The following AMOT variants were observed in gnomAD, a reference collection of about 807,000 sequenced individuals.
AMOT encodes angiomotin.
In AMOT, 11 loss-of-function variants were observed where a neutral mutation model predicts 67.0. The observed-to-expected ratio is 0.16, with a 90% CI of 0.10 to 0.27. The LOEUF (loss-of-function observed/expected upper bound fraction) is 0.27, where lower values mean the gene tolerates loss of function less well. Ranked by LOEUF, AMOT falls within the 10% of genes least tolerant of loss-of-function variation. The pLI, the probability that AMOT is intolerant of heterozygous loss-of-function variation, is 1.00. For synonymous variants in AMOT, 326 were observed against 321.4 expected (o/e 1.01, Z -0.15); for missense variants, 753 against 852.0 (o/e 0.88, Z 1.45).
At chrX:112,833,261 A>T (rs1029665978) in intron 1 of AMOT, among the ~76,000 whole-genome samples, 6 of 110,911 alleles carry the variant, frequency 5.4e-5, no homozygotes, top group Non-Finnish European at 9.4e-5. Context: ...TCTCAGAAGC[A>T]AGTACTCACC....
chrX:112,786,998 T>C (rs1478623297), intron 10 of AMOT, among the ~76,000 whole-genome samples: 2 of 111,861 alleles, frequency 1.8e-5, no homozygotes, highest in Non-Finnish European at 3.8e-5. Flanking sequence ...GTATCTGATG[T>C]TTAAGATGCA....
intron 10 of AMOT, among the ~76,000 whole-genome samples, chrX:112,787,072 T>G (rs986444016): frequency 1.8e-5 from 2 of 111,532 alleles, no homozygotes; most frequent in African/African-American, 3.3e-5. Context: ...CCTGGACTCT[T>G]TAAGGCTAAA....
chrX:112,794,071 A>G (rs761367610), intron 8 of AMOT, among the ~76,000 whole-genome samples: 10 of 112,327 alleles, frequency 8.9e-5, no homozygotes, highest in African/African-American at 3.2e-4. Flanking sequence ...GTGAACTATA[A>G]TTACTAAGGC....
intron 1 of AMOT, among the ~76,000 whole-genome samples, chrX:112,833,478 AGGG>A (rs34937321): frequency 2.4e-4 from 16 of 66,912 alleles, no homozygotes; most frequent in African/African-American, 6.6e-4. Context: ...CTGGGAGTAA[AGGG>A]GGGGGGGGGG....
chrX:112,813,646 A>C (rs972540117), intron 5 of AMOT, among the ~76,000 whole-genome samples: 1 of 110,829 alleles, frequency 9.0e-6, no homozygotes, highest in Non-Finnish European at 1.9e-5. Flanking sequence ...CACACACACA[A>C]AAAATCACCA....
intron 4 of AMOT, among the ~76,000 whole-genome samples, chrX:112,817,027 G>A (rs936366188): frequency 7.1e-5 from 8 of 112,126 alleles, no homozygotes; most frequent in Non-Finnish European, 1.5e-4. Context: ...CAAAAAGCTT[G>A]TTCATGCCCT....
At chrX:112,836,476 G>A (rs1370572070) in intron 1 of AMOT, among the ~76,000 whole-genome samples, 1 of 111,448 alleles carries the variant, frequency 9.0e-6, no homozygotes, top group Non-Finnish European at 1.9e-5. Flanking sequence ...TCCTCCACAT[G>A]GGTTCACAAA....
At chrX:112,816,931 C>A (rs951619517) in intron 4 of AMOT, among the ~76,000 whole-genome samples, 5 of 112,171 alleles carry the variant, frequency 4.5e-5, no homozygotes, top group Non-Finnish European at 9.4e-5. Context: ...TGACTATTAG[C>A]CATTAAGGGA....
At chrX:112,790,817 TG>T (rs747912536) in intron 9 of AMOT, 35 bp from the exon 10 acceptor site, 482 of 1,116,311 alleles carry the variant, frequency 4.3e-4, no homozygotes, top group Non-Finnish European at 5.4e-4. Context: ...CTCAAGTTAG[TG>T]AGAGAAGAAC....
At chrX:112,788,055 C>T (rs750669652) in intron 10 of AMOT, among the ~76,000 whole-genome samples, 3 of 110,691 alleles carry the variant, frequency 2.7e-5, no homozygotes, top group South Asian at 3.9e-4. Flanking sequence ...TTTGGGAGGC[C>T]GAGACAGGTG....
Position 112,779,445 on chromosome X carries a change from G to GATGGTGGCAGCAGTGGCA in AMOT, c.2691_2708dup (p.Ala898_Ile903dup). The GATGGTGGCAGCAGTGGCA allele has an allele frequency of 2.5e-6, 3 of 1,191,764 alleles. No individual in the cohort carries two copies. The highest frequency in any genetic ancestry group is 3.4e-6 in the Non-Finnish European group (3 of 883,015). On this transcript the variant is annotated inframe_insertion, in exon 13 of 14. Coordinates refer to ENST00000371959, the MANE Select transcript of AMOT (RefSeq NM_001113490.2). ...GAGCAGCAGCTACCATGGTGGTGGT[G>GATGGTGGCAGCAGTGGCA]ATGGTGGCAGCAGTGGCAGTGATGG... is the stretch of plus-strand genomic sequence containing the variant.
chrX:112,797,827 AAGAAGG>A (rs1011761801), intron 8 of AMOT, among the ~76,000 whole-genome samples: 121 of 109,255 alleles, frequency 1.1e-3, no homozygotes, highest in African/African-American at 2.4e-3. Context: ...AGAGAGGAAG[AAGAAGG>A]AGAAGGAGAA....
intron 10 of AMOT, among the ~76,000 whole-genome samples, chrX:112,788,934 T>C (rs1358123164): frequency 8.9e-6 from 1 of 111,907 alleles, no homozygotes; most frequent in Admixed American, 9.4e-5. Context: ...CTGAAAGGGG[T>C]TTCCCCGAAT....
intron 1 of AMOT, among the ~76,000 whole-genome samples, chrX:112,837,044 T>G (rs1163120650): frequency 9.0e-6 from 1 of 111,621 alleles, no homozygotes. Context: ...GAAATAACTT[T>G]CTGGATCCCT....
intron 10 of AMOT, among the ~76,000 whole-genome samples, chrX:112,783,232 T>G (rs183714971): frequency 2.5e-3 from 271 of 106,945 alleles, no homozygotes; most frequent in Non-Finnish European, 4.6e-3. Context: ...GAGGTGAAGG[T>G]TGTTGTGAGG....
intron 8 of AMOT, among the ~76,000 whole-genome samples, chrX:112,802,670 T>C (rs1011181323): frequency 1.8e-5 from 2 of 112,516 alleles, no homozygotes; most frequent in African/African-American, 6.5e-5. Flanking sequence ...CAATAATTGA[T>C]GACCTCATTT....
intron 1 of AMOT, among the ~76,000 whole-genome samples, chrX:112,837,051 C>T (rs1935148450): frequency 9.0e-6 from 1 of 111,273 alleles, no homozygotes; most frequent in South Asian, 3.8e-4. Flanking sequence ...CTTTCTGGAT[C>T]CCTGGGTTAG....
Position 112,805,876 on chromosome X carries a change from G to C in AMOT, c.1631-784C>G, listed in dbSNP as rs377557542. On this transcript the variant is annotated intron_variant, in intron 7 of 13. Transcript: ENST00000371959. ...AAACATCAGGATCAGAGGAAGAAAG[G>C]CAGCCATTTCACCTGAAGAAAACAT... Among the ~76,000 whole-genome samples, 10 of 112,188 alleles carry C rather than the reference G, an allele frequency of 8.9e-5. No homozygotes were observed. In the East Asian group the frequency reaches 2.0e-3, roughly 22 times the overall value.
At chrX:112,831,488 T>TAAATAAAA (rs1556248502) in intron 2 of AMOT, among the ~76,000 whole-genome samples, 83 of 103,178 alleles carry the variant, frequency 8.0e-4, no homozygotes, top group Non-Finnish European at 1.1e-3. Context: ...AATAAATAAA[T>TAAATAAAA]AAAAAGAGAG....
Sources: allele counts gnomAD v4.1 joint callset (sites outside exome capture counted in the v4.1 genomes callset), GRCh38; gene constraint gnomAD v4.1.1; transcripts MANE v1.5; gene names NCBI Gene and HGNC (gene_info 2026-07-23, HGNC 2026-07-21).